Variants in FBXL7 observed in about 807,000 individuals in gnomAD.
FBXL7 encodes F-box/LRR-repeat protein 7.
In FBXL7, 12 loss-of-function variants were observed where a neutral mutation model predicts 38.3. The ratio of observed to expected loss-of-function variants is 0.31; its 90% confidence interval spans 0.20 to 0.51. The LOEUF is 0.51. Among genes scored for constraint, FBXL7 ranks in the 20% least tolerant of loss-of-function variants. The pLI, the probability that FBXL7 is intolerant of heterozygous loss-of-function variation, is 0.98. For missense variants in FBXL7, 567 were observed against 676.4 expected (o/e 0.84, Z 1.79); for synonymous variants, 297 against 300.9 (o/e 0.99, Z 0.13).
chr5:15,645,307 CAA>C (rs969518767), intron 2 of FBXL7, among the ~76,000 whole-genome samples: 23 of 152,268 alleles, frequency 1.5e-4, no homozygotes, highest in African/African-American at 5.1e-4. Context: ...CCATTCTACT[CAA>C]AGTCACCCCT....
At chr5:15,632,329 A>T (rs1010382752) in intron 2 of FBXL7, among the ~76,000 whole-genome samples, 1 of 152,170 alleles carries the variant, frequency 6.6e-6, no homozygotes, top group African/African-American at 2.4e-5. Context: ...TATTTTTATA[A>T]CAAAAAGACA....
At chr5:15,680,335 C>T (rs1001000505) in intron 2 of FBXL7, among the ~76,000 whole-genome samples, 2 of 152,140 alleles carry the variant, frequency 1.3e-5, no homozygotes, top group African/African-American at 4.8e-5. Context: ...AAACAGATGT[C>T]TTACATGTGA....
intron 2 of FBXL7, among the ~76,000 whole-genome samples, chr5:15,745,458 G>A (rs755046289): frequency 6.6e-6 from 1 of 152,154 alleles, no homozygotes; most frequent in Non-Finnish European, 1.5e-5. Flanking sequence ...AGGGAGAGGA[G>A]AGGCAATAAA....
chr5:15,611,753 T>TGGGA (rs929573505), intron 1 of FBXL7, among the ~76,000 whole-genome samples: 6 of 151,110 alleles, frequency 4.0e-5, no homozygotes, highest in African/African-American at 1.5e-4. Flanking sequence ...GAGGCCAAGG[T>TGGGA]GGGAGGATTG....
At chr5:15,840,782 C>T (rs13173060) in intron 2 of FBXL7, among the ~76,000 whole-genome samples, 25,800 of 143,642 alleles carry the variant, frequency 0.18, 2,279 homozygotes, top group African/African-American at 0.2. Context: ...AGGAGGTGGA[C>T]GTTGCAGTAA....
At chr5:15,906,317 G>C (rs935831418) in intron 2 of FBXL7, among the ~76,000 whole-genome samples, 1 of 151,594 alleles carries the variant, frequency 6.6e-6, no homozygotes, top group Non-Finnish European at 1.5e-5. Flanking sequence ...AAACTTCTAA[G>C]TATCTTTCTA....
intron 1 of FBXL7, among the ~76,000 whole-genome samples, chr5:15,604,693 G>A (rs903693776): frequency 3.3e-5 from 5 of 152,142 alleles, no homozygotes; most frequent in African/African-American, 1.2e-4. Flanking sequence ...TTACCCTTTA[G>A]CTAACTCGAC....
intron 1 of FBXL7, among the ~76,000 whole-genome samples, chr5:15,553,080 CAA>C (rs755924778): frequency 8.1e-6 from 1 of 124,076 alleles, no homozygotes; most frequent in Non-Finnish European, 1.7e-5. Context: ...GACTCCATGT[CAA>C]AAAAAAAAAA....
chr5:15,503,518 A>C (rs1197754240), intron 1 of FBXL7, among the ~76,000 whole-genome samples: 2 of 152,218 alleles, frequency 1.3e-5, no homozygotes, highest in Admixed American at 6.5e-5. Context: ...GAGTGTTCAA[A>C]CTGTGTTTAA....
intron 2 of FBXL7, among the ~76,000 whole-genome samples, chr5:15,681,038 CAAAT>C (rs1242483059): frequency 3.9e-5 from 6 of 152,116 alleles, no homozygotes; most frequent in Non-Finnish European, 7.4e-5. Context: ...AAGACACAAA[CAAAT>C]GAGTGTGCAT....
intron 2 of FBXL7, among the ~76,000 whole-genome samples, chr5:15,700,937 A>G (rs1403712426): frequency 6.6e-6 from 1 of 152,188 alleles, no homozygotes; most frequent in African/African-American, 2.4e-5. Context: ...AGTCGGGTAC[A>G]TAAAATATTT....
At chr5:15,889,457 A>G (rs1740814067) in intron 2 of FBXL7, among the ~76,000 whole-genome samples, 1 of 152,234 alleles carries the variant, frequency 6.6e-6, no homozygotes, top group East Asian at 1.9e-4. Context: ...AAGTGGGAGA[A>G]TGCAAGAGGA....
chr5:15,929,585 CTG>C (rs1561192968), intron 3 of FBXL7, among the ~76,000 whole-genome samples: 1 of 148,138 alleles, frequency 6.8e-6, no homozygotes, highest in Non-Finnish European at 1.5e-5. Flanking sequence ...GATCATACCA[CTG>C]CACTCCAGCC....
At chr5:15,691,334 C>T (rs1743177029) in intron 2 of FBXL7, among the ~76,000 whole-genome samples, 1 of 152,222 alleles carries the variant, frequency 6.6e-6, no homozygotes, top group Non-Finnish European at 1.5e-5. Context: ...CATGTAATTG[C>T]ATCCAACAGT....
intron 3 of FBXL7, among the ~76,000 whole-genome samples, chr5:15,933,576 T>C (rs764402972): frequency 6.6e-6 from 1 of 152,222 alleles, no homozygotes; most frequent in Non-Finnish European, 1.5e-5. Context: ...AATCACCTTT[T>C]GCAAAACCAC....
rs537569232 is a variant in FBXL7, at chr5:15,849,720, C to T, written c.128-78170C>T. Reference sequence around the variant, plus strand: ...AGAGTGGAAACAGATTAAGACATCCCTACAAATTCAAAATGCAAATTTTCA... The same window carrying T: ...AGAGTGGAAACAGATTAAGACATCCTTACAAATTCAAAATGCAAATTTTCA... On this transcript the variant is annotated intron_variant, in intron 2 of 3. Coordinates refer to ENST00000504595, the MANE Select transcript of FBXL7 (RefSeq NM_012304.5). 4.7e-4 allele frequency among the ~76,000 whole-genome samples: 72 copies of T among 152,264 alleles called. 1 individual carries two copies. The highest frequency in any genetic ancestry group is 4.1e-3 in the Admixed American group (62 of 15,290).
chr5:15,552,014 A>G (rs548925552), intron 1 of FBXL7, among the ~76,000 whole-genome samples: 2 of 152,322 alleles, frequency 1.3e-5, no homozygotes, highest in Non-Finnish European at 2.9e-5. Context: ...GGGAAGAATG[A>G]TTACTACTTA....
intron 2 of FBXL7, among the ~76,000 whole-genome samples, chr5:15,861,367 TTC>T (rs745532641): frequency 2.3e-4 from 35 of 152,232 alleles, no homozygotes; most frequent in Non-Finnish European, 5.1e-4. Flanking sequence ...GCTTGAGATC[TTC>T]TGTCAAGCCA....
At chr5:15,921,901 A>G (rs1482685057) in intron 2 of FBXL7, among the ~76,000 whole-genome samples, 1 of 152,182 alleles carries the variant, frequency 6.6e-6, no homozygotes, top group South Asian at 2.1e-4. Context: ...TGTTGCAACC[A>G]TTATGGAAAA....
Sources: allele counts gnomAD v4.1 joint callset (sites outside exome capture counted in the v4.1 genomes callset), GRCh38; gene constraint gnomAD v4.1.1; transcripts MANE v1.5; gene names NCBI Gene and HGNC (gene_info 2026-07-23, HGNC 2026-07-21).